The following NIM1K variants were observed in gnomAD, a reference collection of about 807,000 sequenced individuals.
NIM1K encodes serine/threonine-protein kinase NIM1.
A neutral mutation model predicts 37.1 loss-of-function variants in NIM1K; 35 were observed. That is an observed-to-expected ratio of 0.94 (90% CI 0.72 to 1.25). NIM1K has a LOEUF of 1.25. NIM1K is among the 50% of genes most tolerant of loss of function. The probability of loss-of-function intolerance (pLI) is 0.00; values close to 1 mark genes in which losing one functional copy is unlikely to be tolerated. For synonymous variants in NIM1K, 234 were observed against 206.6 expected, an observed-to-expected ratio of 1.13 and a Z score of -1.14; for missense variants, 564 against 548.0, an observed-to-expected ratio of 1.03 and a Z score of -0.29.
In NIM1K at chr5:43,255,981, G is replaced by C. The variant is rs532674347; in HGVS notation, c.292+9914G>C. ...GCAGTACTCTTGAAACAGCTGAGGG[G>C]AAAGGGCAGAGAGTAACAGGGAACA... On this transcript the variant is annotated intron_variant, in intron 2 of 3. Transcript: ENST00000326035. 5.3e-5 allele frequency among the ~76,000 whole-genome samples: 8 copies of C among 151,976 alleles called. 1 individual carries two copies. The East Asian group carries it at 1.6e-3, about 30-fold the overall frequency.
intron 2 of NIM1K, among the ~76,000 whole-genome samples, chr5:43,273,951 T>C (rs975510813): frequency 5.3e-5 from 8 of 152,212 alleles, no homozygotes; most frequent in African/African-American, 1.9e-4. Context: ...TAGGTGCTCA[T>C]TGAACATTTA....
intron 1 of NIM1K, among the ~76,000 whole-genome samples, chr5:43,217,893 G>A (rs1275612902): frequency 6.6e-6 from 1 of 151,828 alleles, no homozygotes; most frequent in Non-Finnish European, 1.5e-5. Flanking sequence ...TGTATTTTTA[G>A]TGGAGACAGC....
At chr5:43,275,797 G>A (rs1403724246) in intron 2 of NIM1K, among the ~76,000 whole-genome samples, 1 of 152,046 alleles carries the variant, frequency 6.6e-6, no homozygotes, top group African/African-American at 2.4e-5. Context: ...TTCCTGAAGA[G>A]GTTCATTCTG....
At chr5:43,195,361 C>G (rs1394152835) in intron 1 of NIM1K, among the ~76,000 whole-genome samples, 1 of 152,126 alleles carries the variant, frequency 6.6e-6, no homozygotes, top group Non-Finnish European at 1.5e-5. Flanking sequence ...AAGTTGTGTT[C>G]AAAAGCCAAG....
intron 1 of NIM1K, chr5:43,206,982 C>A: frequency 1.3e-6 from 1 of 757,958 alleles, no homozygotes; most frequent in Non-Finnish European, 2.5e-6. Flanking sequence ...TTGAACAAAG[C>A]GGAATTGAGT....
intron 1 of NIM1K, among the ~76,000 whole-genome samples, chr5:43,221,024 CAAAT>C (rs1318797798): frequency 6.6e-6 from 1 of 152,074 alleles, no homozygotes; most frequent in Non-Finnish European, 1.5e-5. Flanking sequence ...TCTTGATACA[CAAAT>C]GAATGAATGA....
intron 2 of NIM1K, among the ~76,000 whole-genome samples, chr5:43,249,343 C>T (rs1026190254): frequency 1.3e-5 from 2 of 152,140 alleles, no homozygotes; most frequent in African/African-American, 2.4e-5. Context: ...GCTGGGATTA[C>T]AGGCCTGAGC....
chr5:43,275,531 C>T (rs1204436364), intron 2 of NIM1K, among the ~76,000 whole-genome samples: 3 of 152,232 alleles, frequency 2.0e-5, no homozygotes, highest in Non-Finnish European at 4.4e-5. Flanking sequence ...CCGCCAGCAG[C>T]ACATTGCAGT....
At chr5:43,249,044 T>TTTA (rs1752829371) in intron 2 of NIM1K, among the ~76,000 whole-genome samples, 1 of 139,114 alleles carries the variant, frequency 7.2e-6, no homozygotes, top group African/African-American at 2.7e-5. Flanking sequence ...GCTAGTTTAT[T>TTTA]TTTATTTATT....
chr5:43,258,280 T>C (rs144977495), intron 2 of NIM1K, among the ~76,000 whole-genome samples: 116 of 152,336 alleles, frequency 7.6e-4, no homozygotes, highest in Admixed American at 1.6e-3. Context: ...AGTTCAGATG[T>C]TTCATGCTCA....
intron 2 of NIM1K, among the ~76,000 whole-genome samples, chr5:43,263,001 G>C (rs1430713022): frequency 6.6e-6 from 1 of 152,138 alleles, no homozygotes; most frequent in Non-Finnish European, 1.5e-5. Flanking sequence ...TGTGCTGCTG[G>C]ATTCAGTTTG....
At chr5:43,243,672 G>GTTTGA (rs1554015305) in intron 1 of NIM1K, among the ~76,000 whole-genome samples, 1 of 151,830 alleles carries the variant, frequency 6.6e-6, no homozygotes, top group African/African-American at 2.4e-5. Flanking sequence ...TTTTTTGTTT[G>GTTTGA]TTTGCTTTGC....
At chr5:43,196,527 C>T (rs1335933380) in intron 1 of NIM1K, among the ~76,000 whole-genome samples, 3 of 151,190 alleles carry the variant, frequency 2.0e-5, no homozygotes, top group Non-Finnish European at 2.9e-5. Flanking sequence ...CCCAGCTACT[C>T]GGGAGGCTGA....
intron 2 of NIM1K, among the ~76,000 whole-genome samples, chr5:43,275,472 A>G (rs7713473): frequency 0.012 from 1,815 of 152,284 alleles, 44 homozygotes; most frequent in African/African-American, 0.04. Context: ...TAGCATTTCA[A>G]TACATAATAC....
At chr5:43,208,706 G>A (rs1752155460) in intron 1 of NIM1K, among the ~76,000 whole-genome samples, 1 of 152,192 alleles carries the variant, frequency 6.6e-6, no homozygotes, top group Admixed American at 6.5e-5. Flanking sequence ...GTTATGATAG[G>A]GGAAATAAAA....
intron 1 of NIM1K, among the ~76,000 whole-genome samples, chr5:43,198,131 A>ATTTCTTTTC (rs1751944458): frequency 1.9e-5 from 2 of 105,938 alleles, no homozygotes; most frequent in Non-Finnish European, 2.0e-5. Context: ...GGCCAATATG[A>ATTTCTTTTC]TTTCTTTCTT....
intron 2 of NIM1K, among the ~76,000 whole-genome samples, chr5:43,251,819 C>G (rs539757782): frequency 9.8e-5 from 15 of 152,292 alleles, no homozygotes; most frequent in African/African-American, 3.4e-4. Context: ...CCGCCTCCAT[C>G]CCATGTGTTT....
intron 1 of NIM1K, among the ~76,000 whole-genome samples, chr5:43,219,207 T>C (rs1470917893): frequency 6.6e-6 from 1 of 152,132 alleles, no homozygotes; most frequent in Non-Finnish European, 1.5e-5. Context: ...TAAACCTCTT[T>C]CCTTTATAAA....
At chr5:43,263,487 G>C (rs1340512587) in intron 2 of NIM1K, among the ~76,000 whole-genome samples, 1 of 150,972 alleles carries the variant, frequency 6.6e-6, no homozygotes, top group Admixed American at 6.6e-5. Flanking sequence ...GCCTCTATTT[G>C]ATTCTTCTCT....
Sources: allele counts gnomAD v4.1 joint callset (sites outside exome capture counted in the v4.1 genomes callset), GRCh38; gene constraint gnomAD v4.1.1; transcripts MANE v1.5; gene names NCBI Gene and HGNC (gene_info 2026-07-23, HGNC 2026-07-21).